CACNA1C: variants seen among roughly 807,000 people sequenced by gnomAD.
CACNA1C encodes the protein calcium voltage-gated channel subunit alpha1 C.
A neutral mutation model predicts 229.0 loss-of-function variants in CACNA1C; 30 were observed. The ratio of observed to expected loss-of-function variants is 0.13; its 90% CI spans 0.10 to 0.18. CACNA1C has a LOEUF of 0.18. Among genes scored for constraint, CACNA1C ranks in the 10% least tolerant of loss-of-function variants. The pLI is 1.00. For missense variants in CACNA1C, 1,658 were observed against 2,845.0 expected (o/e 0.58, Z 9.49); for synonymous variants, 1,114 against 1,132.5 (o/e 0.98, Z 0.33).
chr12:2,308,674 C>A (rs2095242996), intron 3 of CACNA1C, among the ~76,000 whole-genome samples: 1 of 152,084 alleles, frequency 6.6e-6, no homozygotes, highest in African/African-American at 2.4e-5. Context: ...AGGCAAATAA[C>A]CTGATGGAAA....
intron 3 of CACNA1C, among the ~76,000 whole-genome samples, chr12:2,141,250 C>T (rs543105913): frequency 1.1e-4 from 16 of 151,300 alleles, no homozygotes; most frequent in Non-Finnish European, 1.8e-4. Context: ...CTGTGTGCTT[C>T]CCAAGGCTCC....
chr12:2,081,612 G>A (rs1439300981), intron 1 of CACNA1C, among the ~76,000 whole-genome samples: 1 of 152,018 alleles, frequency 6.6e-6, no homozygotes, highest in Non-Finnish European at 1.5e-5. Flanking sequence ...CAAAGGCTGA[G>A]AGTATTTACC....
chr12:2,004,556 T>C, intron 1 of CACNA1C: 3 of 1,381,312 alleles, frequency 2.2e-6, no homozygotes, highest in South Asian at 1.4e-5. Flanking sequence ...GCCTTCCGGC[T>C]CCAGTCACCC....
intron 1 of CACNA1C, among the ~76,000 whole-genome samples, chr12:1,995,632 G>A (rs1193310088): frequency 6.6e-6 from 1 of 152,150 alleles, no homozygotes; most frequent in Non-Finnish European, 1.5e-5. Flanking sequence ...CCCTGCAGCT[G>A]AGCTCCCTCC....
chr12:2,117,199 A>G lies in CACNA1C; in HGVS notation c.371+1654A>G, dbSNP rs73603768. ...GGCAAGAGAATTGCTTGAACTCGGG[A>G]CGAAGAGGTTGCAGTGAGCTGAGAT... On this transcript the variant is annotated intron_variant, in intron 2 of 46. Coordinates refer to ENST00000399655, the MANE Select transcript of CACNA1C (RefSeq NM_000719.7). Among the ~76,000 whole-genome samples the G allele has an allele frequency of 7.4e-3, 1,123 of 152,340 alleles. 18 individuals carry two copies. The highest frequency in any genetic ancestry group is 0.025 in the African/African-American group (1,038 of 41,570).
chr12:2,351,063 G>A lies in CACNA1C; in HGVS notation c.478-97913G>A, dbSNP rs963502713. 5.3e-5 allele frequency among the ~76,000 whole-genome samples: 8 copies of A among 152,226 alleles called. No homozygotes were observed. In the South Asian group the frequency reaches 1.7e-3, roughly 32 times the overall value. ...GGCCCCTTCTGAAGGCAATTTCTGA[G>A]TGAACTGTTTCAGATACTCTAATGG... is the stretch of plus-strand genomic sequence containing the variant. On this transcript the variant is annotated intron_variant, in intron 3 of 46. Coordinates refer to ENST00000399655, the MANE Select transcript of CACNA1C (RefSeq NM_000719.7).
At chr12:2,081,007 A>G (rs747179372) in intron 1 of CACNA1C, among the ~76,000 whole-genome samples, 5 of 152,228 alleles carry the variant, frequency 3.3e-5, no homozygotes, top group Non-Finnish European at 7.3e-5. Context: ...AAAGATATTG[A>G]TTTTTAGATT....
intron 1 of CACNA1C, chr12:2,004,570 C>T: frequency 1.6e-6 from 2 of 1,257,966 alleles, no homozygotes; most frequent in South Asian, 1.5e-5. Flanking sequence ...GTCACCCCCA[C>T]CCTCCTGCCC....
Position 2,493,284 on chromosome 12 carries a change from T to C in CACNA1C, c.1011T>C (p.Asp337=), listed in dbSNP as rs2099740122. The part of the protein sequence containing the change: ...QNGTVCKPGW[D]GPKHGITNFD... ...GCACGGTGTGCAAGCCCGGCTGGGA[T>C]GGTCCCAAGCACGGCATCACCAACT... The change falls in exon 7 of 47, where the codon GAT becomes GAC. Residue 337 remains aspartate (D), a synonymous_variant. Transcript: ENST00000399655. This position sits in a 1 kb window ranked among gnomAD's most constrained non-coding sequence, Gnocchi z 4.6. The C allele has an allele frequency of 6.2e-7, 1 of 1,614,014 alleles. No individual in the cohort carries two copies. Among genetic ancestry groups the C allele is most frequent in the East Asian group, 2.2e-5 (1 of 44,876 alleles).
intron 3 of CACNA1C, among the ~76,000 whole-genome samples, chr12:2,429,505 G>A (rs1422754330): frequency 3.9e-5 from 6 of 152,160 alleles, no homozygotes; most frequent in Non-Finnish European, 7.4e-5. Flanking sequence ...AGTCTCCACC[G>A]TAGTCCAGTG....
At chr12:2,155,739 A>G (rs1349785361) in intron 3 of CACNA1C, among the ~76,000 whole-genome samples, 1 of 152,174 alleles carries the variant, frequency 6.6e-6, no homozygotes, top group Non-Finnish European at 1.5e-5. Context: ...GGGCACTTAG[A>G]CTAGTTTAGA....
intron 34 of CACNA1C, among the ~76,000 whole-genome samples, chr12:2,664,036 G>C (rs375331477): frequency 6.6e-6 from 1 of 152,150 alleles, no homozygotes; most frequent in East Asian, 1.9e-4. Context: ...CACCGCGCCC[G>C]GCCAGAGAAT....
At chr12:1,984,227 G>GT (rs2036986760) in intron 1 of CACNA1C, among the ~76,000 whole-genome samples, 1 of 151,926 alleles carries the variant, frequency 6.6e-6, no homozygotes, top group Non-Finnish European at 1.5e-5. Context: ...TACATGTAAC[G>GT]TAACTACCGA....
rs1481912687 is a variant in CACNA1C, at chr12:2,301,661, T to C, written c.478-147315T>C. Among the ~76,000 whole-genome samples the C allele has an allele frequency of 2.0e-5, 3 of 152,302 alleles. No homozygotes were observed. In the East Asian group the frequency reaches 5.8e-4, roughly 29 times the overall value. On this transcript the variant is annotated intron_variant, in intron 3 of 46. Coordinates refer to ENST00000399655, the MANE Select transcript of CACNA1C (RefSeq NM_000719.7). ...CACAGTACCCTTCTCACATAGTCCCTGTGAATGTTCTGGGCGACCTGTGAC... is the reference window on the plus strand; with the variant it reads ...CACAGTACCCTTCTCACATAGTCCCCGTGAATGTTCTGGGCGACCTGTGAC...
At chr12:2,390,486 C>A (rs1209058279) in intron 3 of CACNA1C, among the ~76,000 whole-genome samples, 1 of 152,194 alleles carries the variant, frequency 6.6e-6, no homozygotes, top group East Asian at 1.9e-4. Context: ...CCTTAAAAAA[C>A]TGTTGGGGAA....
chr12:2,338,241 A>C (rs1032547471), intron 3 of CACNA1C, among the ~76,000 whole-genome samples: 1 of 152,198 alleles, frequency 6.6e-6, no homozygotes, highest in African/African-American at 2.4e-5. Flanking sequence ...GCTAATTAGC[A>C]GCAAACGTCT....
intron 3 of CACNA1C, among the ~76,000 whole-genome samples, chr12:2,416,204 C>T (rs1353325809): frequency 1.3e-5 from 2 of 151,348 alleles, no homozygotes; most frequent in Non-Finnish European, 2.9e-5. Flanking sequence ...CCGTCCTTCC[C>T]ACCTGCGTGC....
At chr12:2,069,349 C>A (rs117426514) in intron 1 of CACNA1C, among the ~76,000 whole-genome samples, 2 of 152,274 alleles carry the variant, frequency 1.3e-5, no homozygotes, top group Middle Eastern at 6.8e-3. Context: ...AAAGACGGAG[C>A]CTTATGGAAA....
At chr12:2,628,339 T>G (rs1160923255) in intron 29 of CACNA1C, among the ~76,000 whole-genome samples, 1 of 151,994 alleles carries the variant, frequency 6.6e-6, no homozygotes, top group Non-Finnish European at 1.5e-5. Context: ...TGAACTCGAG[T>G]CTTACAAAAT....
Sources: allele counts gnomAD v4.1 joint callset (sites outside exome capture counted in the v4.1 genomes callset), GRCh38; gene constraint gnomAD v4.1.1; non-coding constraint Gnocchi (gnomAD v3.1); transcripts MANE v1.5; gene names NCBI Gene and HGNC (gene_info 2026-07-23, HGNC 2026-07-21).